MDGA2: variants seen among roughly 807,000 people sequenced by gnomAD.
MDGA2 encodes the protein MAM domain-containing glycosylphosphatidylinositol anchor protein 2.
A neutral mutation model predicts 117.8 loss-of-function variants in MDGA2; 40 were observed. That is an observed-to-expected ratio of 0.34 (90% CI 0.26 to 0.44). The LOEUF is 0.44. MDGA2 is among the 20% of genes least tolerant of loss of function. The pLI is 1.00. For missense variants in MDGA2, 1,123 were observed against 1,250.6 expected, an observed-to-expected ratio of 0.90 and a Z score of 1.54; for synonymous variants, 452 against 439.0, an observed-to-expected ratio of 1.03 and a Z score of -0.37.
chr14:47,360,851 T>G (rs1053194008), intron 1 of MDGA2, among the ~76,000 whole-genome samples: 5 of 151,834 alleles, frequency 3.3e-5, no homozygotes, highest in Non-Finnish European at 4.4e-5. Flanking sequence ...CTGAAAGACA[T>G]GAGACTAAGT....
At chr14:47,299,702 C>G (rs1217155904) in intron 2 of MDGA2, among the ~76,000 whole-genome samples, 1 of 152,100 alleles carries the variant, frequency 6.6e-6, no homozygotes, top group Non-Finnish European at 1.5e-5. Context: ...TTTCACATAT[C>G]CATTTCCTTG....
chr14:47,080,740 T>C (rs1205494594), intron 6 of MDGA2, among the ~76,000 whole-genome samples: 2 of 152,208 alleles, frequency 1.3e-5, no homozygotes, highest in Non-Finnish European at 1.5e-5. Flanking sequence ...TTGTGTTTCA[T>C]AATGATCCAT....
chr14:47,334,029 T>C (rs949299646), intron 1 of MDGA2, among the ~76,000 whole-genome samples: 11 of 151,778 alleles, frequency 7.2e-5, no homozygotes, highest in Non-Finnish European at 2.9e-5. Flanking sequence ...GGGATGATAA[T>C]GACAAACTAA....
At chr14:47,302,283 C>T (rs1046147754) in intron 1 of MDGA2, among the ~76,000 whole-genome samples, 5 of 152,148 alleles carry the variant, frequency 3.3e-5, no homozygotes, top group African/African-American at 1.2e-4. Flanking sequence ...TCGTTGGGGA[C>T]AACTACATGG....
In MDGA2 at chr14:47,008,279, T is replaced by C. The variant is rs367650479; in HGVS notation, c.1819+26732A>G. ...GAAAAACAAAAGCATAAAGGGTAAA[T>C]ACAATTTCAAAGCTAAAGGTGGATA... On this transcript the variant is annotated intron_variant, in intron 8 of 16. Coordinates refer to ENST00000399232, the MANE Select transcript of MDGA2 (RefSeq NM_001113498.3). Among the ~76,000 whole-genome samples the C allele has an allele frequency of 2.0e-4, 30 of 151,868 alleles. No individual in the cohort carries two copies. In the East Asian group the frequency reaches 3.1e-3, roughly 16 times the overall value.
At chr14:47,291,938 T>A (rs1212400398) in intron 2 of MDGA2, among the ~76,000 whole-genome samples, 1 of 152,174 alleles carries the variant, frequency 6.6e-6, no homozygotes, top group Non-Finnish European at 1.5e-5. Context: ...TGGATTACTG[T>A]CTATCCCACA....
intron 3 of MDGA2, among the ~76,000 whole-genome samples, chr14:47,170,983 A>G (rs1039803092): frequency 7.2e-5 from 11 of 152,158 alleles, no homozygotes; most frequent in African/African-American, 2.7e-4. Context: ...TTGAAATATC[A>G]AAAGATGGGA....
chr14:47,324,854 AAG>A (rs146722286), intron 1 of MDGA2, among the ~76,000 whole-genome samples: 52 of 149,058 alleles, frequency 3.5e-4, no homozygotes, highest in South Asian at 3.2e-3. Context: ...GAGAGAGAGA[AAG>A]AGAGAGAGAG....
chr14:47,418,080 A>AT (rs1892509681), intron 1 of MDGA2, among the ~76,000 whole-genome samples: 1 of 151,574 alleles, frequency 6.6e-6, no homozygotes, highest in Non-Finnish European at 1.5e-5. Flanking sequence ...TAATTTTTTA[A>AT]TTTTTTATTT....
chr14:47,495,573 T>C lies in MDGA2; in HGVS notation c.280+178944A>G, dbSNP rs549174268. ...TATTTTCAAATTATATACCCCCTAT[T>C]TGCCATCTTCATGGTTTTGAGCAGT... On this transcript the variant is annotated intron_variant, in intron 1 of 16. Transcript: ENST00000399232. 6.3e-4 allele frequency among the ~76,000 whole-genome samples: 96 copies of C among 152,300 alleles called. 2 individuals carry two copies. Among genetic ancestry groups the C allele is most frequent in the African/African-American group, 2.2e-3 (93 of 41,570 alleles).
intron 8 of MDGA2, among the ~76,000 whole-genome samples, chr14:47,001,123 T>C (rs1040079144): frequency 6.6e-6 from 1 of 152,030 alleles, no homozygotes; most frequent in Non-Finnish European, 1.5e-5. Context: ...TCTTTTAACC[T>C]GTCAAATCAG....
chr14:46,998,365 A>G (rs1343559625), intron 8 of MDGA2, among the ~76,000 whole-genome samples: 1 of 152,164 alleles, frequency 6.6e-6, no homozygotes, highest in African/African-American at 2.4e-5. Flanking sequence ...GGTGGAGCTA[A>G]TGAAGCTATC....
chr14:47,128,936 A>C (rs532292425), intron 5 of MDGA2, among the ~76,000 whole-genome samples: 19 of 151,856 alleles, frequency 1.3e-4, no homozygotes, highest in Middle Eastern at 3.4e-3. Flanking sequence ...TGATCTGCCC[A>C]CCTCGGCCTC....
At chr14:46,856,650 G>C (rs1210493238) in intron 14 of MDGA2, among the ~76,000 whole-genome samples, 3 of 151,938 alleles carry the variant, frequency 2.0e-5, no homozygotes, top group Non-Finnish European at 2.9e-5. Context: ...TCAATGTTTA[G>C]TTTACTTATG....
At chr14:46,867,050 T>C (rs1442613267) in intron 14 of MDGA2, among the ~76,000 whole-genome samples, 2 of 151,764 alleles carry the variant, frequency 1.3e-5, no homozygotes, top group East Asian at 3.9e-4. Context: ...GGGTATATAC[T>C]CAAAGGACTA....
rs150012704 is a variant in MDGA2, at chr14:47,454,075, T to C, written c.281-152525A>G. On this transcript the variant is annotated intron_variant, in intron 1 of 16. Transcript: ENST00000399232. ...CTTTGATTTGTCATATTATAGATTA[T>C]GTACTCCCTCTGCTACTAGAATTGT... Among the ~76,000 whole-genome samples, 354 of 152,338 alleles carry C rather than the reference T, an allele frequency of 2.3e-3. 3 individuals are homozygous for C. The highest frequency in any genetic ancestry group is 8.2e-3 in the African/African-American group (342 of 41,582).
chr14:47,238,611 T>C (rs879823564), intron 2 of MDGA2, among the ~76,000 whole-genome samples: 1 of 151,726 alleles, frequency 6.6e-6, no homozygotes, highest in Non-Finnish European at 1.5e-5. Context: ...GTTTGTGTTA[T>C]AAATTACCCT....
intron 1 of MDGA2, among the ~76,000 whole-genome samples, chr14:47,530,011 G>C (rs930497699): frequency 4.6e-5 from 7 of 152,158 alleles, no homozygotes; most frequent in Admixed American, 6.5e-5. Context: ...ACAATGCCAG[G>C]TTGGGCTGCC....
chr14:47,484,610 T>C lies in MDGA2; in HGVS notation c.281-183060A>G, dbSNP rs549850805. On this transcript the variant is annotated intron_variant, in intron 1 of 16. Transcript: ENST00000399232. ...ACAGTCCAAAACAGCTATTCAAATTTCACACAGTGATATGGTTTGCATCTC... is the reference window on the plus strand; with the variant it reads ...ACAGTCCAAAACAGCTATTCAAATTCCACACAGTGATATGGTTTGCATCTC... Among the ~76,000 whole-genome samples, 32 of 152,244 alleles carry C rather than the reference T, an allele frequency of 2.1e-4. No individual in the cohort carries two copies. In the South Asian group the frequency reaches 6.2e-3, roughly 30 times the overall value.
Sources: gnomAD v4.1 joint callset for allele counts (sites outside exome capture counted in the v4.1 genomes callset) on GRCh38, gnomAD v4.1.1 for gene constraint, MANE v1.5 for transcripts, NCBI Gene and HGNC (gene_info 2026-07-23, HGNC 2026-07-21) for gene names.